The following DENND1A variants were observed in gnomAD, a reference collection of about 807,000 sequenced individuals.
DENND1A encodes the protein DENN domain-containing protein 1A.
A neutral mutation model predicts 113.7 loss-of-function variants in DENND1A; 51 were observed. The ratio of observed to expected loss-of-function variants is 0.45; its 90% CI spans 0.36 to 0.57. The LOEUF is 0.57. Ranked by LOEUF, DENND1A falls within the 20% of genes least tolerant of loss-of-function variation. The pLI, the probability that DENND1A is intolerant of heterozygous loss-of-function variation, is 0.00. For synonymous variants in DENND1A, 565 were observed against 570.8 expected (o/e 0.99, Z 0.14); for missense variants, 1,258 against 1,395.9 (o/e 0.90, Z 1.57).
At position 123,420,484 on chromosome 9, in the gene DENND1A, G is replaced by A. The variant is rs557767378; in HGVS notation, c.1489-8655C>T. Among the ~76,000 whole-genome samples, 16 of 152,292 alleles carry A rather than the reference G, an allele frequency of 1.1e-4. No homozygotes were observed. The South Asian group carries it at 1.2e-3, about 12-fold the overall frequency. On this transcript the variant is annotated intron_variant, in intron 19 of 23. Coordinates refer to ENST00000394215, the MANE Select transcript of DENND1A (RefSeq NM_001352964.2). ...GAAGAAAAGCCGCAGCACCTGCCGC[G>A]GGGTCTCACAGAGATGATCTCCGGA...
intron 10 of DENND1A, among the ~76,000 whole-genome samples, chr9:123,613,054 C>T (rs1246936829): frequency 6.6e-6 from 1 of 152,104 alleles, no homozygotes; most frequent in African/African-American, 2.4e-5. Flanking sequence ...GTCAAGATGC[C>T]ATGAGGAATG....
Position 123,381,655 on chromosome 9 carries a change from G to C in DENND1A, c.2990C>G (p.Thr997Ser). 1 of 1,605,906 alleles carries C rather than the reference G, an allele frequency of 6.2e-7. No individual in the cohort carries two copies. Among genetic ancestry groups the C allele is most frequent in the Non-Finnish European group, 8.5e-7 (1 of 1,176,500 alleles). ...AGGCCTCAGGGCCAGCCCCTGCTTG[G>C]TCTCAGCAGCCCTGGCACTTGAGCG... ...LARSSARAAE[T>S]KQGLALRPGD... The change falls in exon 24 of 24, where the codon ACC becomes AGC. Residue 997 changes from threonine (T) to serine (S), a missense_variant. By Grantham distance (58) the Thr-to-Ser change is moderately conservative. Coordinates refer to ENST00000394215, the MANE Select transcript of DENND1A (RefSeq NM_001352964.2). This position sits in a 1 kb window ranked among gnomAD's most constrained non-coding sequence, Gnocchi z 4.7.
At chr9:123,553,407 C>G (rs765510304) in intron 13 of DENND1A, among the ~76,000 whole-genome samples, 19 of 151,074 alleles carry the variant, frequency 1.3e-4, no homozygotes, top group Admixed American at 5.9e-4. Flanking sequence ...GCCGCCCCCC[C>G]CCCGCTCCTC....
chr9:123,524,075 A>G (rs1295917736), intron 13 of DENND1A, among the ~76,000 whole-genome samples: 3 of 152,200 alleles, frequency 2.0e-5, no homozygotes, highest in Non-Finnish European at 4.4e-5. Flanking sequence ...GGGATGAAAA[A>G]TACACGTAAC....
chr9:123,492,511 C>T (rs575118589), intron 13 of DENND1A, among the ~76,000 whole-genome samples: 3 of 152,176 alleles, frequency 2.0e-5, no homozygotes, highest in Admixed American at 6.5e-5. Context: ...GATCATGGGC[C>T]AGGTTGTGAA....
intron 13 of DENND1A, among the ~76,000 whole-genome samples, chr9:123,459,593 C>T (rs557754345): frequency 2.7e-4 from 41 of 150,764 alleles, no homozygotes; most frequent in African/African-American, 7.8e-4. Flanking sequence ...TTTCTTTGAA[C>T]ATGTTTGGAG....
At chr9:123,688,694 C>T (rs1020276697) in intron 5 of DENND1A, among the ~76,000 whole-genome samples, 3 of 152,244 alleles carry the variant, frequency 2.0e-5, no homozygotes, top group East Asian at 1.9e-4. Context: ...GCCCCAAACA[C>T]GAGGAGGCTG....
At chr9:123,816,751 C>T (rs1837556975) in intron 2 of DENND1A, among the ~76,000 whole-genome samples, 1 of 152,180 alleles carries the variant, frequency 6.6e-6, no homozygotes, top group Non-Finnish European at 1.5e-5. Context: ...CTCTGTACAA[C>T]TTTCCAAGCT....
At chr9:123,653,435 A>G (rs1190742128) in intron 8 of DENND1A, among the ~76,000 whole-genome samples, 2 of 152,230 alleles carry the variant, frequency 1.3e-5, no homozygotes, top group African/African-American at 2.4e-5. Flanking sequence ...TCCATGGCCT[A>G]TACGCTTTCC....
intron 13 of DENND1A, among the ~76,000 whole-genome samples, chr9:123,489,357 T>C (rs538789758): frequency 1.3e-5 from 2 of 152,340 alleles, no homozygotes; most frequent in East Asian, 1.9e-4. Flanking sequence ...CCATGAATCC[T>C]GGCACTGAGT....
chr9:123,861,136 C>T (rs1376724034), intron 2 of DENND1A, among the ~76,000 whole-genome samples: 3 of 152,136 alleles, frequency 2.0e-5, no homozygotes, highest in Non-Finnish European at 4.4e-5. Flanking sequence ...GCCTATTCCT[C>T]CCCCAACCCC....
intron 19 of DENND1A, among the ~76,000 whole-genome samples, chr9:123,424,877 T>C (rs2045593761): frequency 6.6e-6 from 1 of 152,234 alleles, no homozygotes; most frequent in Non-Finnish European, 1.5e-5. Flanking sequence ...TGAAAACCCC[T>C]AGGTCCACCT....
chr9:123,852,249 T>A (rs1276889019), intron 2 of DENND1A, among the ~76,000 whole-genome samples: 7 of 152,172 alleles, frequency 4.6e-5, no homozygotes, highest in African/African-American at 7.2e-5. Context: ...AAGTTTCTCA[T>A]CCTCACCTAA....
At chr9:123,677,520 G>A (rs2064159123) in intron 5 of DENND1A, among the ~76,000 whole-genome samples, 3 of 152,130 alleles carry the variant, frequency 2.0e-5, no homozygotes, top group Admixed American at 2.0e-4. Flanking sequence ...TGCAACCCCT[G>A]CCTCCCTGGT....
intron 1 of DENND1A, among the ~76,000 whole-genome samples, chr9:123,882,369 T>C (rs1588071426): frequency 1.3e-5 from 2 of 151,594 alleles, no homozygotes; most frequent in East Asian, 3.9e-4. Context: ...GAAGCATTTC[T>C]AATTTAACAT....
intron 5 of DENND1A, 47 bp downstream of exon 5, chr9:123,757,656 G>A (rs190268051): frequency 9.4e-6 from 15 of 1,597,000 alleles, no homozygotes; most frequent in Non-Finnish European, 1.2e-5. Flanking sequence ...TGCAGAAGCT[G>A]ACATTGCTTC....
At chr9:123,717,181 G>GC (rs2067029684) in intron 5 of DENND1A, among the ~76,000 whole-genome samples, 1 of 152,148 alleles carries the variant, frequency 6.6e-6, no homozygotes, top group South Asian at 2.1e-4. Context: ...GCAAGTGACA[G>GC]CCTCTCTGGG....
chr9:123,574,743 T>C (rs2058543942), intron 12 of DENND1A, among the ~76,000 whole-genome samples: 1 of 152,198 alleles, frequency 6.6e-6, no homozygotes, highest in Non-Finnish European at 1.5e-5. Context: ...AACTAAAAGC[T>C]ATGGCTTTGG....
intron 5 of DENND1A, among the ~76,000 whole-genome samples, chr9:123,724,518 TA>T (rs61709188): frequency 0.43 from 60,985 of 142,642 alleles, 15,201 homozygotes; most frequent in African/African-American, 0.72. Context: ...AGCATAAAAT[TA>T]AAAAAAAAAA....
Sources: gnomAD v4.1 joint callset for allele counts (sites outside exome capture counted in the v4.1 genomes callset) on GRCh38, gnomAD v4.1.1 for gene constraint, Gnocchi (gnomAD v3.1) non-coding constraint, MANE v1.5 for transcripts, NCBI Gene and HGNC (gene_info 2026-07-23, HGNC 2026-07-21) for gene names.